Variants in GRM7 observed in about 807,000 individuals in gnomAD.
The protein encoded by GRM7 is glutamate metabotropic receptor 7, also known as metabotropic glutamate receptor 7.
A neutral mutation model predicts 84.5 loss-of-function variants in GRM7; 35 were observed. That is an observed-to-expected ratio of 0.41 (90% CI 0.32 to 0.55). The LOEUF (loss-of-function observed/expected upper bound fraction) is 0.55. Among genes scored for constraint, GRM7 ranks in the 20% least tolerant of loss-of-function variants. The pLI is 0.19. For synonymous variants in GRM7, 487 were observed against 455.1 expected (o/e 1.07, Z -0.89); for missense variants, 1,003 against 1,194.6 (o/e 0.84, Z 2.36).
At chr3:7,323,684 A>G (rs182472274) in intron 4 of GRM7, among the ~76,000 whole-genome samples, 4 of 152,336 alleles carry the variant, frequency 2.6e-5, no homozygotes, top group East Asian at 3.9e-4. Flanking sequence ...TGCCAAGTCA[A>G]TGGCCACATA....
chr3:7,381,328 C>T (rs1296933002), intron 4 of GRM7, among the ~76,000 whole-genome samples: 3 of 152,096 alleles, frequency 2.0e-5, no homozygotes, highest in African/African-American at 7.2e-5. Flanking sequence ...ATTCATTATT[C>T]ATTCATTCTT....
At chr3:7,692,776 A>C (rs1700856869) in intron 9 of GRM7, among the ~76,000 whole-genome samples, 1 of 152,132 alleles carries the variant, frequency 6.6e-6, no homozygotes, top group Non-Finnish European at 1.5e-5. Context: ...GGTCTTTCTA[A>C]TGAATTTTTC....
intron 1 of GRM7, among the ~76,000 whole-genome samples, chr3:6,926,936 T>G (rs1409054706): frequency 6.6e-6 from 1 of 152,226 alleles, no homozygotes. Flanking sequence ...TGTAAATCAT[T>G]GAGCCAAAAT....
intron 4 of GRM7, among the ~76,000 whole-genome samples, chr3:7,339,456 G>A (rs1701553021): frequency 6.6e-6 from 1 of 152,134 alleles, no homozygotes; most frequent in Non-Finnish European, 1.5e-5. Flanking sequence ...CTTATCTAGA[G>A]TTTCTGGTCT....
At chr3:6,893,738 C>T (rs1696061141) in intron 1 of GRM7, among the ~76,000 whole-genome samples, 1 of 152,158 alleles carries the variant, frequency 6.6e-6, no homozygotes, top group Admixed American at 6.6e-5. Flanking sequence ...CCTTACCAAA[C>T]ATTTTACATT....
chr3:7,268,329 A>G (rs1371610783), intron 2 of GRM7, among the ~76,000 whole-genome samples: 1 of 151,588 alleles, frequency 6.6e-6, no homozygotes, highest in Non-Finnish European at 1.5e-5. Flanking sequence ...GTTGATGTGC[A>G]TCTGTGGTCC....
chr3:7,308,830 C>G (rs1476435630), intron 4 of GRM7, among the ~76,000 whole-genome samples: 1 of 152,018 alleles, frequency 6.6e-6, no homozygotes, highest in Non-Finnish European at 1.5e-5. Context: ...GCCATTAACC[C>G]CTGATGCCTG....
chr3:7,300,276 G>A (rs1052893277), intron 3 of GRM7, among the ~76,000 whole-genome samples: 19 of 152,270 alleles, frequency 1.2e-4, no homozygotes, highest in Middle Eastern at 3.4e-3. Context: ...TTTACCACCA[G>A]CGTCTCAAAC....
intron 1 of GRM7, among the ~76,000 whole-genome samples, chr3:6,932,320 A>C (rs1697531571): frequency 6.6e-6 from 1 of 152,178 alleles, no homozygotes; most frequent in South Asian, 2.1e-4. Context: ...TTTGTACTTG[A>C]TATATCCCCA....
Position 7,307,050 on chromosome 3 carries a change from C to G in GRM7, c.1033+398C>G, listed in dbSNP as rs766038540. On this transcript the variant is annotated intron_variant, in intron 4 of 9. Coordinates refer to ENST00000357716, the MANE Select transcript of GRM7 (RefSeq NM_000844.4). ...TCCTTATTAGAAGAAGTACAAGAAC[C>G]CTTTCCCCCCTTATCTCTCAAGGTC... Among the ~76,000 whole-genome samples, 21 of 152,030 alleles carry G rather than the reference C, an allele frequency of 1.4e-4. 1 individual carries two copies. Among genetic ancestry groups the G allele is most frequent in the Non-Finnish European group, 2.2e-4 (15 of 68,002 alleles).
intron 1 of GRM7, among the ~76,000 whole-genome samples, chr3:6,931,150 T>C (rs373386243): frequency 5.3e-5 from 8 of 152,336 alleles, no homozygotes; most frequent in African/African-American, 1.9e-4. Context: ...GTTAAAAATA[T>C]GAACCACTTA....
rs1041559985 is a variant in GRM7, at chr3:7,593,807, C to A, written c.2451+14450C>A. Among the ~76,000 whole-genome samples, 8 of 151,988 alleles carry A rather than the reference C, an allele frequency of 5.3e-5. No individual in the cohort carries two copies. The South Asian group carries it at 1.7e-3, about 32-fold the overall frequency. ...TTAGAAACTGATTTATGTTTTAGAA[C>A]GACCACTTGGACTGTTGGTAAGAAG... is the stretch of plus-strand genomic sequence containing the variant. On this transcript the variant is annotated intron_variant, in intron 8 of 9. Coordinates refer to ENST00000357716, the MANE Select transcript of GRM7 (RefSeq NM_000844.4).
intron 1 of GRM7, among the ~76,000 whole-genome samples, chr3:6,907,509 G>A (rs1028469115): frequency 6.6e-6 from 1 of 152,130 alleles, no homozygotes; most frequent in Non-Finnish European, 1.5e-5. Context: ...TAAAGAAAAA[G>A]CTAGAGATTA....
intron 2 of GRM7, among the ~76,000 whole-genome samples, chr3:7,232,480 G>A (rs1231332296): frequency 1.3e-5 from 2 of 152,198 alleles, no homozygotes; most frequent in Admixed American, 6.5e-5. Context: ...GGAAGTGGGA[G>A]GAAATGGGCT....
intron 4 of GRM7, among the ~76,000 whole-genome samples, chr3:7,407,839 A>G (rs1385446979): frequency 6.6e-6 from 1 of 152,222 alleles, no homozygotes; most frequent in Non-Finnish European, 1.5e-5. Flanking sequence ...TTTCATGCAT[A>G]GTTCCTAGTG....
intron 1 of GRM7, among the ~76,000 whole-genome samples, chr3:7,111,579 G>A (rs915569328): frequency 3.3e-5 from 5 of 152,128 alleles, no homozygotes; most frequent in South Asian, 2.1e-4. Context: ...AGGAGCAGAG[G>A]TTCAGCTGAA....
chr3:7,338,477 C>A (rs781566365), intron 4 of GRM7, among the ~76,000 whole-genome samples: 4 of 151,900 alleles, frequency 2.6e-5, no homozygotes, highest in Admixed American at 1.3e-4. Flanking sequence ...ACCACCTGTT[C>A]CCCAGAAGCT....
chr3:7,459,629 A>T (rs1043035050), intron 6 of GRM7, among the ~76,000 whole-genome samples: 5 of 152,104 alleles, frequency 3.3e-5, no homozygotes, highest in Non-Finnish European at 7.4e-5. Flanking sequence ...AGATCTGGTG[A>T]GACTCATTCA....
chr3:7,025,195 ATCATC>A (rs1695936156), intron 1 of GRM7, among the ~76,000 whole-genome samples: 2 of 152,264 alleles, frequency 1.3e-5, no homozygotes, highest in South Asian at 4.1e-4. Flanking sequence ...GTCCAGATGG[ATCATC>A]TAGAATAATC....
Sources: allele counts gnomAD v4.1 joint callset (sites outside exome capture counted in the v4.1 genomes callset), GRCh38; gene constraint gnomAD v4.1.1; transcripts MANE v1.5; gene names NCBI Gene and HGNC (gene_info 2026-07-23, HGNC 2026-07-21).